ST8SIA5: variants seen among roughly 807,000 people sequenced by gnomAD.
The protein encoded by ST8SIA5 is ST8 alpha-N-acetyl-neuraminide alpha-2,8-sialyltransferase 5.
In ST8SIA5, 24 loss-of-function variants were observed where a neutral mutation model predicts 40.2. That is an observed-to-expected ratio of 0.60 (90% CI 0.43 to 0.84). The LOEUF is 0.84. ST8SIA5 is among the 40% of genes least tolerant of loss of function. The pLI is 0.00. For missense variants in ST8SIA5, 465 were observed against 498.5 expected, an observed-to-expected ratio of 0.93 and a Z score of 0.64; for synonymous variants, 198 against 201.8, an observed-to-expected ratio of 0.98 and a Z score of 0.16.
chr18:46,721,356 C>T, intron 1 of ST8SIA5: 1 of 1,536,094 alleles, frequency 6.5e-7, no homozygotes, highest in Non-Finnish European at 8.7e-7. Flanking sequence ...TTGCCGGGGT[C>T]TGTACCTGGA....
chr18:46,684,948 A>G (rs1309991172), intron 5 of ST8SIA5, among the ~76,000 whole-genome samples: 1 of 152,112 alleles, frequency 6.6e-6, no homozygotes, highest in Non-Finnish European at 1.5e-5. Flanking sequence ...CGCAGGATGT[A>G]GGGGCTGGGG....
intron 1 of ST8SIA5, among the ~76,000 whole-genome samples, chr18:46,752,102 C>T (rs2040201339): frequency 6.6e-6 from 1 of 152,216 alleles, no homozygotes; most frequent in South Asian, 2.1e-4. Context: ...ATTCACTCAA[C>T]TCTTGCCTGC....
At chr18:46,695,703 T>TG (rs1568255281) in intron 2 of ST8SIA5, among the ~76,000 whole-genome samples, 1 of 152,176 alleles carries the variant, frequency 6.6e-6, no homozygotes, top group Non-Finnish European at 1.5e-5. Flanking sequence ...GTAAATACCA[T>TG]GGGGGCAGGG....
intron 2 of ST8SIA5, among the ~76,000 whole-genome samples, chr18:46,703,563 C>T (rs972163301): frequency 6.6e-6 from 1 of 152,170 alleles, no homozygotes; most frequent in Middle Eastern, 3.4e-3. Context: ...CAGGTCTGCC[C>T]ACCCCAAAAC....
chr18:46,689,042 C>G, intron 3 of ST8SIA5, 123 bp from the exon 4 acceptor site: 1 of 1,230,716 alleles, frequency 8.1e-7, no homozygotes. Flanking sequence ...CTATCCCACG[C>G]TTGCCCCCAC....
At chr18:46,736,861 T>C (rs915852647) in intron 1 of ST8SIA5, among the ~76,000 whole-genome samples, 1 of 151,900 alleles carries the variant, frequency 6.6e-6, no homozygotes, top group Non-Finnish European at 1.5e-5. Flanking sequence ...TGGCATCCCA[T>C]ACACATATCC....
In ST8SIA5 at chr18:46,668,304, C is replaced by A. The variant is rs28461406; in HGVS notation, c.*11738G>T. 1 of 152,106 alleles carries A rather than the reference C, an allele frequency of 6.6e-6. No homozygotes were observed. The highest frequency in any genetic ancestry group is 1.9e-4 in the East Asian group (1 of 5,158). The allele number at this position is 152,106 out of a possible 1,614,324, so 9.4% of individuals were successfully genotyped here. The stretch of plus-strand genomic sequence containing the variant: ...GCCACGTGGCCGCTTTTTCTTCATA[C>A]GCAGGAGGCCACTCAGAAATGAGCC... On this transcript the variant is annotated 3_prime_UTR_variant, in exon 7 of 7. Transcript: ENST00000315087.
intron 1 of ST8SIA5, among the ~76,000 whole-genome samples, chr18:46,750,912 T>C (rs1391100337): frequency 2.0e-5 from 3 of 152,212 alleles, no homozygotes; most frequent in Non-Finnish European, 4.4e-5. Context: ...ACCCAACGGA[T>C]TGTAAAATTT....
At chr18:46,714,860 G>A (rs1300575368) in intron 1 of ST8SIA5, among the ~76,000 whole-genome samples, 2 of 152,174 alleles carry the variant, frequency 1.3e-5, no homozygotes, top group Non-Finnish European at 2.9e-5. Context: ...AAAGGTTTGT[G>A]TAAGTGGTTA....
Position 46,680,381 on chromosome 18 carries a change from C to A in ST8SIA5, c.792G>T (p.Val264=), listed in dbSNP as rs895501880. 1 of 1,613,940 alleles carries A rather than the reference C, an allele frequency of 6.2e-7. No individual in the cohort carries two copies. Among genetic ancestry groups the A allele is most frequent in the African/African-American group, 1.3e-5 (1 of 74,938 alleles). Residue 264 remains valine (V), a synonymous_variant, in exon 7 of 7, where the codon GTG becomes GTT. Transcript: ENST00000315087. Reference sequence around the variant, plus strand: ...CTTGCGGCGATTCGAAGTCGTCCAGCACGTACTTGACGCGGATGGACACGT... The same window carrying A: ...CTTGCGGCGATTCGAAGTCGTCCAGAACGTACTTGACGCGGATGGACACGT... The part of the protein sequence containing the change: ...NTDVSIRVKY[V]LDDFESPQAV...
chr18:46,703,386 G>A (rs1020341865), intron 2 of ST8SIA5, among the ~76,000 whole-genome samples: 1 of 152,172 alleles, frequency 6.6e-6, no homozygotes, highest in African/African-American at 2.4e-5. Context: ...CTGACCTTGT[G>A]ATCCTGGGCT....
chr18:46,679,973 C>T lies in ST8SIA5; in HGVS notation c.*69G>A. 6.8e-7 allele frequency: 1 copy of T among 1,478,302 alleles called. No homozygotes were observed. The highest frequency in any genetic ancestry group is 1.3e-5 in the South Asian group (1 of 76,886). 91.6% of individuals were successfully genotyped at this position (1,478,302 alleles called of 1,614,324 possible). ...GGACCCCACGCTGCCCGGTTCGGGG[C>T]TCCCAGTTCCACCAGGAGGGACAGC... On this transcript the variant is annotated 3_prime_UTR_variant, in exon 7 of 7. Transcript: ENST00000315087.
At chr18:46,687,811 T>C (rs2039462592) in intron 4 of ST8SIA5, among the ~76,000 whole-genome samples, 1 of 152,236 alleles carries the variant, frequency 6.6e-6, no homozygotes, top group Non-Finnish European at 1.5e-5. Context: ...CCACTCAGAA[T>C]TTCTATAAAC....
intron 2 of ST8SIA5, 64 bp downstream of exon 2, chr18:46,704,508 T>C (rs2144500752): frequency 7.0e-7 from 1 of 1,420,358 alleles, no homozygotes; most frequent in Non-Finnish European, 9.9e-7. Context: ...CCCCACGCAC[T>C]CACCCCCAAC....
At chr18:46,749,897 G>A (rs969754380) in intron 1 of ST8SIA5, among the ~76,000 whole-genome samples, 2 of 152,136 alleles carry the variant, frequency 1.3e-5, no homozygotes, top group South Asian at 2.1e-4. Context: ...CACATAAGAC[G>A]AGGCCAGAGA....
rs1440687992 is a variant in ST8SIA5, at chr18:46,670,860, C to T, written c.*9182G>A. 3 of 152,086 alleles carry T rather than the reference C, an allele frequency of 2.0e-5. No homozygotes were observed. The highest frequency in any genetic ancestry group is 4.4e-5 in the Non-Finnish European group (3 of 68,022). 9.4% of individuals were successfully genotyped at this position (152,086 alleles called of 1,614,324 possible). A position where few individuals can be genotyped will look rare whatever the true frequency, so the allele number is the denominator to read the frequency against. On this transcript the variant is annotated 3_prime_UTR_variant, in exon 7 of 7. Transcript: ENST00000315087. Reference sequence around the variant, plus strand: ...TATTAGCTGCCACTTCTTGCTTTATCTAGCACATGTCATCATTCTCTTAGT... The same window carrying T: ...TATTAGCTGCCACTTCTTGCTTTATTTAGCACATGTCATCATTCTCTTAGT...
At chr18:46,748,577 G>T (rs774686946) in intron 1 of ST8SIA5, among the ~76,000 whole-genome samples, 2 of 103,298 alleles carry the variant, frequency 1.9e-5, no homozygotes, top group Non-Finnish European at 4.2e-5. Flanking sequence ...AAAAAAAAAG[G>T]CAAAGAATCT....
chr18:46,692,055 G>T, intron 3 of ST8SIA5, 114 bp downstream of exon 3: 1 of 1,088,560 alleles, frequency 9.2e-7, no homozygotes, highest in Non-Finnish European at 1.4e-6. Flanking sequence ...GTCAGGGTCT[G>T]CTCTGGGGAA....
chr18:46,736,801 C>T (rs2040038773), intron 1 of ST8SIA5, among the ~76,000 whole-genome samples: 1 of 152,072 alleles, frequency 6.6e-6, no homozygotes, highest in Non-Finnish European at 1.5e-5. Context: ...TCTCCCAGGA[C>T]ACCCCCCGCT....
Sources: gnomAD v4.1 joint callset for allele counts (sites outside exome capture counted in the v4.1 genomes callset) on GRCh38, gnomAD v4.1.1 for gene constraint, MANE v1.5 for transcripts, NCBI Gene and HGNC (gene_info 2026-07-23, HGNC 2026-07-21) for gene names.